Variants in TAFA1 observed in about 807,000 individuals in gnomAD.
TAFA1 encodes chemokine-like protein TAFA-1.
Under a neutral mutation model 18.5 loss-of-function variants are expected in TAFA1, and 4 were observed. The ratio of observed to expected loss-of-function variants is 0.22; its 90% CI spans 0.11 to 0.49. TAFA1 has a LOEUF of 0.49. Ranked by LOEUF, TAFA1 falls within the 20% of genes least tolerant of loss-of-function variation. The pLI, the probability that TAFA1 is intolerant of heterozygous loss-of-function variation, is 0.98. For missense variants in TAFA1, 147 were observed against 169.0 expected (o/e 0.87, Z 0.72); for synonymous variants, 56 against 55.2 (o/e 1.01, Z -0.06).
At chr3:68,006,218 C>G (rs1704353843) in intron 1 of TAFA1, 1 of 159,958 alleles carries the variant, frequency 6.3e-6, no homozygotes, top group African/African-American at 2.4e-5. Context: ...TCTTTCCTTC[C>G]AGGCTTATGT....
intron 2 of TAFA1, among the ~76,000 whole-genome samples, chr3:68,359,096 C>G (rs1184444459): frequency 1.3e-5 from 2 of 152,014 alleles, no homozygotes; most frequent in African/African-American, 2.4e-5. Context: ...ACTCTTGGGC[C>G]AGATATCATA....
intron 2 of TAFA1, among the ~76,000 whole-genome samples, chr3:68,325,221 G>A (rs2068757165): frequency 6.6e-6 from 1 of 152,170 alleles, no homozygotes; most frequent in African/African-American, 2.4e-5. Flanking sequence ...ACAGCACCAA[G>A]GCATCAGTGT....
intron 2 of TAFA1, among the ~76,000 whole-genome samples, chr3:68,052,276 A>G (rs995782762): frequency 1.3e-5 from 2 of 152,136 alleles, no homozygotes; most frequent in Non-Finnish European, 2.9e-5. Flanking sequence ...AATTTGCTAG[A>G]GAATTTTTAT....
chr3:68,338,661 G>T lies in TAFA1; in HGVS notation c.119-78619G>T, dbSNP rs187134134. Reference sequence around the variant, plus strand: ...TTATTGAGCCAGGATTCAAAACTTTGCTTTCTTATTCCAAACCTGTATACA... The same window carrying T: ...TTATTGAGCCAGGATTCAAAACTTTTCTTTCTTATTCCAAACCTGTATACA... On this transcript the variant is annotated intron_variant, in intron 2 of 4. Coordinates refer to ENST00000478136, the MANE Select transcript of TAFA1 (RefSeq NM_213609.4). 4.8e-3 allele frequency among the ~76,000 whole-genome samples: 728 copies of T among 152,212 alleles called. 5 individuals carry two copies. Among genetic ancestry groups the T allele is most frequent in the African/African-American group, 0.016 (678 of 41,528 alleles).
intron 3 of TAFA1, among the ~76,000 whole-genome samples, chr3:68,521,727 C>T (rs1044656502): frequency 6.6e-6 from 1 of 151,380 alleles, no homozygotes; most frequent in Non-Finnish European, 1.5e-5. Flanking sequence ...AATCAAGTAA[C>T]AATGACACAG....
At chr3:68,380,995 T>C (rs368759201) in intron 2 of TAFA1, among the ~76,000 whole-genome samples, 3,316 of 145,640 alleles carry the variant, frequency 0.023, 52 homozygotes, top group East Asian at 0.074. Flanking sequence ...TATGGCTAGC[T>C]AGTTTTCCCA....
In TAFA1 at chr3:68,518,169, AT is replaced by A. The variant is rs543827184; in HGVS notation, c.260-20586del. Reference sequence around the variant, plus strand: ...ACTCTGGATTAGATCCTGCATCTTAATAGCTGTGTGAGCGTGGGCATGTTAT... The same window carrying A: ...ACTCTGGATTAGATCCTGCATCTTAAAGCTGTGTGAGCGTGGGCATGTTAT... On this transcript the variant is annotated intron_variant, in intron 3 of 4. Coordinates refer to ENST00000478136, the MANE Select transcript of TAFA1 (RefSeq NM_213609.4). 2.6e-3 allele frequency among the ~76,000 whole-genome samples: 400 copies of A among 152,298 alleles called. 2 individuals carry two copies. The highest frequency in any genetic ancestry group is 8.9e-3 in the African/African-American group (371 of 41,562).
intron 3 of TAFA1, among the ~76,000 whole-genome samples, chr3:68,443,869 G>A (rs148225067): frequency 9.9e-5 from 15 of 152,130 alleles, no homozygotes; most frequent in African/African-American, 3.4e-4. Flanking sequence ...ATCCCTCACC[G>A]CATCCCAAAT....
intron 2 of TAFA1, among the ~76,000 whole-genome samples, chr3:68,087,283 G>C (rs2106789320): frequency 6.6e-6 from 1 of 152,190 alleles, no homozygotes; most frequent in African/African-American, 2.4e-5. Context: ...TTTTGTTGGT[G>C]GTGGTAGTGA....
chr3:68,368,519 G>T (rs1369248673), intron 2 of TAFA1, among the ~76,000 whole-genome samples: 3 of 151,728 alleles, frequency 2.0e-5, no homozygotes, highest in African/African-American at 7.3e-5. Context: ...CCATTACACA[G>T]AACATCATAA....
At chr3:68,254,943 C>T (rs1293013673) in intron 2 of TAFA1, among the ~76,000 whole-genome samples, 2 of 152,078 alleles carry the variant, frequency 1.3e-5, no homozygotes, top group African/African-American at 4.8e-5. Flanking sequence ...AAAAAACTAG[C>T]TTTGGAAGTA....
chr3:68,214,367 C>T (rs1173011715), intron 2 of TAFA1, among the ~76,000 whole-genome samples: 1 of 152,088 alleles, frequency 6.6e-6, no homozygotes, highest in Admixed American at 6.6e-5. Context: ...GGCCACATGG[C>T]ATAGATACAG....
In TAFA1 at chr3:68,459,267, T is replaced by C. The variant is rs138781824; in HGVS notation, c.259+41847T>C. 2.5e-3 allele frequency among the ~76,000 whole-genome samples: 387 copies of C among 152,258 alleles called. 2 individuals are homozygous for C. Among genetic ancestry groups the C allele is most frequent in the African/African-American group, 8.3e-3 (345 of 41,538 alleles). On this transcript the variant is annotated intron_variant, in intron 3 of 4. Transcript: ENST00000478136. ...ATCAGGTGGCACCCCACAACATCCA[T>C]TACAAGTAATAATTTCCTTAACCTG... is the stretch of plus-strand genomic sequence containing the variant.
intron 3 of TAFA1, among the ~76,000 whole-genome samples, chr3:68,496,477 T>C (rs2072552718): frequency 6.6e-6 from 1 of 152,124 alleles, no homozygotes; most frequent in Non-Finnish European, 1.5e-5. Context: ...AGATGTTACG[T>C]GTAGGTTCTC....
chr3:68,412,327 G>A (rs1180449071), intron 2 of TAFA1, among the ~76,000 whole-genome samples: 1 of 147,576 alleles, frequency 6.8e-6, no homozygotes, highest in East Asian at 2.2e-4. Context: ...GTAAAACATG[G>A]GCAAGTTTCT....
intron 3 of TAFA1, among the ~76,000 whole-genome samples, chr3:68,439,384 G>A (rs555508876): frequency 9.3e-6 from 1 of 108,052 alleles, no homozygotes; most frequent in South Asian, 2.8e-4. Context: ...TCTCTAGAGG[G>A]ACAGAAGTAA....
intron 2 of TAFA1, among the ~76,000 whole-genome samples, chr3:68,158,695 C>T (rs940676461): frequency 6.6e-6 from 1 of 151,952 alleles, no homozygotes; most frequent in Admixed American, 6.6e-5. Context: ...GAAGGCCTCA[C>T]TTTGTGATGA....
intron 3 of TAFA1, among the ~76,000 whole-genome samples, chr3:68,479,845 T>C (rs1339778068): frequency 4.0e-5 from 6 of 151,888 alleles, no homozygotes; most frequent in Non-Finnish European, 8.8e-5. Context: ...TATACATACA[T>C]GCACACATAC....
At position 68,082,006 on chromosome 3, in the gene TAFA1, A is replaced by T. The variant is rs371147583; in HGVS notation, c.118+75262A>T. On this transcript the variant is annotated intron_variant, in intron 2 of 4. Transcript: ENST00000478136. ...ACCCTCTGAGCCAGGTGCAGGATAT[A>T]ATCTCGTGGTGCGCTGTTTTTTAAG... Among the ~76,000 whole-genome samples the T allele has an allele frequency of 9.7e-4, 147 of 152,320 alleles. 2 individuals carry two copies. The South Asian group carries it at 9.9e-3, about 10-fold the overall frequency.
Sources: gnomAD v4.1 joint callset for allele counts (sites outside exome capture counted in the v4.1 genomes callset) on GRCh38, gnomAD v4.1.1 for gene constraint, MANE v1.5 for transcripts, NCBI Gene and HGNC (gene_info 2026-07-23, HGNC 2026-07-21) for gene names.